Variants in EXOC6 observed in about 807,000 individuals in gnomAD.
The protein encoded by EXOC6 is exocyst complex component 6, also known as SEC15-like 1.
In EXOC6, 60 loss-of-function variants were observed where a neutral mutation model predicts 112.5. That is an observed-to-expected ratio of 0.53 (90% confidence interval 0.43 to 0.66). EXOC6 has a LOEUF of 0.66. EXOC6 is among the 30% of genes least tolerant of loss of function. The pLI is 0.00. For synonymous variants in EXOC6, 295 were observed against 308.0 expected, an observed-to-expected ratio of 0.96 and a Z score of 0.44; for missense variants, 855 against 957.1, an observed-to-expected ratio of 0.89 and a Z score of 1.41.
upstream of EXOC6, among the ~76,000 whole-genome samples, chr10:92,847,096 T>C (rs1847079045): frequency 6.6e-6 from 1 of 152,220 alleles, no homozygotes; most frequent in Admixed American, 6.5e-5. Flanking sequence ...ACAGACATGC[T>C]GACACCTTGA....
rs533992153 is a variant in EXOC6 at position 92,945,832 on chromosome 10, C to T, written c.1311-2442C>T. Among the ~76,000 whole-genome samples the T allele has an allele frequency of 1.2e-3, 189 of 152,304 alleles. 1 individual carries two copies. Among genetic ancestry groups the T allele is most frequent in the Middle Eastern group, 3.4e-3 (1 of 294 alleles). The stretch of plus-strand genomic sequence containing the variant: ...CAGGTGTGAGCCACCTCATTTAGCC[C>T]TGCCTTTTAACGTTTTACTTTATTT... On this transcript the variant is annotated intron_variant, in intron 13 of 21. Coordinates refer to ENST00000260762, the MANE Select transcript of EXOC6 (RefSeq NM_019053.6).
chr10:92,990,045 T>C (rs1293592862), intron 18 of EXOC6, among the ~76,000 whole-genome samples: 1 of 152,146 alleles, frequency 6.6e-6, no homozygotes, highest in Non-Finnish European at 1.5e-5. Context: ...TATCCCTGTA[T>C]TGGAAAGAGT....
In EXOC6 at chr10:92,954,640, A is replaced by G. The variant is rs770182067; in HGVS notation, c.1537A>G (p.Ile513Val). Reference protein sequence around the residue: ...SESLHRSSTEIDDMLRKSTNL... With the variant: ...SESLHRSSTEVDDMLRKSTNL... Reference sequence around the variant, plus strand: ...AATCTTTGTTTTTAGCTCAACAGAAATAGACGATATGCTTAGAAAATCAAC... The same window carrying G: ...AATCTTTGTTTTTAGCTCAACAGAAGTAGACGATATGCTTAGAAAATCAAC... Residue 513 changes from isoleucine (I) to valine (V), a missense_variant, in exon 16 of 22, where the codon ATA becomes GTA. Around this residue, in one of 2 missense-constraint regions of EXOC6, gnomAD observed 450 missense variants for 563.5 expected, o/e 0.80. Coordinates refer to ENST00000260762, the MANE Select transcript of EXOC6 (RefSeq NM_019053.6). 5 of 1,582,222 alleles carry G rather than the reference A, an allele frequency of 3.2e-6. No homozygotes were observed. The highest frequency in any genetic ancestry group is 2.7e-5 in the African/African-American group (2 of 74,386).
chr10:92,997,730 A>T, intron 19 of EXOC6, 115 bp downstream of exon 19: 1 of 893,910 alleles, frequency 1.1e-6, no homozygotes, highest in Middle Eastern at 3.8e-4. Context: ...TGGTTCAGCT[A>T]AACTTTTAGC....
intron 18 of EXOC6, among the ~76,000 whole-genome samples, chr10:92,978,564 T>A (rs945000448): frequency 6.6e-6 from 1 of 152,204 alleles, no homozygotes; most frequent in Non-Finnish European, 1.5e-5. Context: ...TATATTAGTT[T>A]TCTAAAATCC....
At chr10:92,979,172 T>C (rs777149979) in intron 18 of EXOC6, among the ~76,000 whole-genome samples, 2 of 152,052 alleles carry the variant, frequency 1.3e-5, no homozygotes, top group Non-Finnish European at 2.9e-5. Flanking sequence ...TTCCCCTCCC[T>C]TCCCCTCCGG....
intron 1 of EXOC6, among the ~76,000 whole-genome samples, chr10:92,828,640 T>TG (rs1252419910): frequency 2.7e-5 from 4 of 150,684 alleles, no homozygotes; most frequent in South Asian, 4.2e-4. Flanking sequence ...CGCCAGTTTT[T>TG]TTTTTTTTTT....
upstream of EXOC6, among the ~76,000 whole-genome samples, chr10:92,833,414 T>G (rs1054763393): frequency 2.0e-5 from 3 of 152,178 alleles, no homozygotes; most frequent in African/African-American, 7.2e-5. Flanking sequence ...CCTTAGAGGC[T>G]TTAGAAAGTC....
chr10:93,014,349 G>A (rs1844404602), intron 20 of EXOC6, 82 bp downstream of exon 20: 2 of 1,049,026 alleles, frequency 1.9e-6, no homozygotes, highest in African/African-American at 1.6e-5. Context: ...TAATGCTACA[G>A]GAATGCCTGT....
intron 9 of EXOC6, among the ~76,000 whole-genome samples, chr10:92,928,781 A>AAAAC (rs568287345): frequency 6.6e-6 from 1 of 152,220 alleles, no homozygotes; most frequent in African/African-American, 2.4e-5. Context: ...ATAGACATTT[A>AAAAC]AAACAAACAA....
chr10:93,038,578 CAT>C (rs1845627303), intron 20 of EXOC6, among the ~76,000 whole-genome samples: 1 of 152,172 alleles, frequency 6.6e-6, no homozygotes, highest in African/African-American at 2.4e-5. Context: ...CGTATATATA[CAT>C]GACAGAGTTC....
intron 6 of EXOC6, among the ~76,000 whole-genome samples, chr10:92,910,730 C>T (rs1424757174): frequency 1.3e-5 from 2 of 152,102 alleles, no homozygotes; most frequent in Non-Finnish European, 1.5e-5. Context: ...GAGACCAAGA[C>T]CATCCTGGCT....
chr10:93,053,896 C>T (rs1041499924), intron 20 of EXOC6, among the ~76,000 whole-genome samples: 16 of 152,332 alleles, frequency 1.1e-4, no homozygotes, highest in African/African-American at 3.4e-4. Context: ...ATGAGATCAA[C>T]ATGCTTGCTG....
At chr10:92,987,585 T>C (rs1218069304) in intron 18 of EXOC6, 1 of 982,268 alleles carries the variant, frequency 1.0e-6, no homozygotes, top group Admixed American at 6.1e-5. Context: ...CCTTTTTTAT[T>C]TGATTGCCTT....
intron 20 of EXOC6, among the ~76,000 whole-genome samples, chr10:93,055,660 A>G (rs1337989588): frequency 6.7e-6 from 1 of 149,622 alleles, no homozygotes; most frequent in East Asian, 2.0e-4. Flanking sequence ...CAGACAGTAT[A>G]TTCTTTAACA....
chr10:92,911,962 TGTGTG>T (rs1850808584), intron 6 of EXOC6, among the ~76,000 whole-genome samples: 2 of 151,286 alleles, frequency 1.3e-5, no homozygotes, highest in Non-Finnish European at 2.9e-5. Context: ...TGTGTGTGTG[TGTGTG>T]TGTGTGTTTG....
At chr10:93,054,670 G>A (rs188791101) in intron 20 of EXOC6, among the ~76,000 whole-genome samples, 85 of 152,286 alleles carry the variant, frequency 5.6e-4, no homozygotes, top group African/African-American at 2.0e-3. Flanking sequence ...GAGTTGGTGC[G>A]GGTTTTTCAT....
At chr10:92,852,118 A>G (rs917873138) in intron 1 of EXOC6, among the ~76,000 whole-genome samples, 2 of 152,236 alleles carry the variant, frequency 1.3e-5, no homozygotes, top group Admixed American at 6.5e-5. Flanking sequence ...ACATTTGGCA[A>G]CTTAGCAGAA....
chr10:92,940,992 G>C (rs4517429), intron 13 of EXOC6, among the ~76,000 whole-genome samples, 168 bp downstream of exon 13: 119,062 of 151,992 alleles, frequency 0.78, 47,901 homozygotes, highest in East Asian at 1. Flanking sequence ...GTGGTGTACA[G>C]TCAAATTGTT....
Sources: allele counts gnomAD v4.1 joint callset (sites outside exome capture counted in the v4.1 genomes callset), GRCh38; gene constraint gnomAD v4.1.1; regional missense constraint gnomAD v4.1.1; transcripts MANE v1.5; gene names NCBI Gene and HGNC (gene_info 2026-07-23, HGNC 2026-07-21).